Variants in RELB observed in about 807,000 individuals in gnomAD.
RELB encodes the protein RELB proto-oncogene, NF-kB subunit, also known as transcription factor RelB.
RELB carries 14 observed loss-of-function variants against 55.4 expected under a neutral mutation model. The ratio of observed to expected loss-of-function variants is 0.25; its 90% CI spans 0.17 to 0.40. RELB has a LOEUF of 0.40. Among genes scored for constraint, RELB ranks in the 10% least tolerant of loss-of-function variants. The pLI is 1.00. For synonymous variants in RELB, 409 were observed against 371.3 expected, an observed-to-expected ratio of 1.10 and a Z score of -1.17; for missense variants, 669 against 830.7, an observed-to-expected ratio of 0.81 and a Z score of 2.39.
intron 9 of RELB, among the ~76,000 whole-genome samples, chr19:45,033,315 C>T (rs144064166): frequency 6.6e-6 from 1 of 152,104 alleles, no homozygotes; most frequent in Admixed American, 6.6e-5. Context: ...AGGAAGAGTG[C>T]TTTAAACAGC....
intron 8 of RELB, among the ~76,000 whole-genome samples, chr19:45,030,614 A>G (rs909009023): frequency 2.0e-5 from 3 of 152,264 alleles, no homozygotes; most frequent in African/African-American, 7.2e-5. Context: ...CCTGGGCAAC[A>G]CAGTGAGACT....
At chr19:45,003,133 G>T (rs1389829180) in intron 2 of RELB, 137 bp downstream of exon 2, 2 of 795,068 alleles carry the variant, frequency 2.5e-6, no homozygotes, top group Admixed American at 5.0e-5. Context: ...CTCCCTGCCA[G>T]TTGAGATGGG....
At chr19:45,034,002 T>C (rs1971656945) in intron 9 of RELB, among the ~76,000 whole-genome samples, 1 of 150,992 alleles carries the variant, frequency 6.6e-6, no homozygotes, top group Non-Finnish European at 1.5e-5. Flanking sequence ...ACTAAAAAAA[T>C]ACAAAAATTA....
chr19:45,011,040 T>TG (rs1320685453), intron 3 of RELB, among the ~76,000 whole-genome samples: 1 of 152,004 alleles, frequency 6.6e-6, no homozygotes, highest in Non-Finnish European at 1.5e-5. Flanking sequence ...TTAGTGGAGA[T>TG]GGGGTTTCAC....
intron 8 of RELB, among the ~76,000 whole-genome samples, chr19:45,030,507 C>A (rs1971608455): frequency 6.6e-6 from 1 of 152,108 alleles, no homozygotes; most frequent in Non-Finnish European, 1.5e-5. Context: ...TGGAACACAC[C>A]TGTAATTCCA....
At chr19:45,026,370 T>A (rs1971558332) in intron 7 of RELB, among the ~76,000 whole-genome samples, 2 of 151,456 alleles carry the variant, frequency 1.3e-5, no homozygotes, top group East Asian at 3.9e-4. Context: ...GCCACTGCAG[T>A]CCAGCCTGGG....
In RELB at chr19:45,012,097, T is replaced by A. The variant is rs1971367749; in HGVS notation, c.325T>A (p.Cys109Ser). Residue 109 changes from cysteine to serine, a missense_variant, in exon 4 of 12, where the codon TGC (cysteine) becomes AGC (serine). By Grantham distance (112) the Cys-to-Ser change is moderately radical (BLOSUM62 -1). Transcript: ENST00000221452. ...APPATPPPWG[C>S]PLGRLVSPAP... ...CCCAGCCACGCCGCCGCCTTGGGGC[T>A]GCCCCCTGGGCCGACTAGTGTCCCC... 6.4e-7 allele frequency: 1 copy of A among 1,555,648 alleles called. No individual in the cohort carries two copies. Among genetic ancestry groups the A allele is most frequent in the Admixed American group, 2.0e-5 (1 of 50,768 alleles).
chr19:45,016,409 T>G (rs1971421633), intron 4 of RELB, among the ~76,000 whole-genome samples: 1 of 152,194 alleles, frequency 6.6e-6, no homozygotes, highest in Admixed American at 6.6e-5. Context: ...AAGGTGGCAG[T>G]TGTTTGTGAC....
Position 45,037,655 on chromosome 19 carries a change from A to C in RELB, c.1605A>C (p.Thr535=). 6.3e-7 allele frequency: 1 copy of C among 1,593,334 alleles called. No homozygotes were observed. The highest frequency in any genetic ancestry group is 8.5e-7 in the Non-Finnish European group (1 of 1,171,428). The change falls in exon 12 of 12, where the codon ACA becomes ACC. Residue 535 remains threonine, a synonymous_variant. Transcript: ENST00000221452. ...AGACCCCCGGCCCTGAACCACTGAC[A>C]CTGGACTCGTACCAGGCCCCGGGCC... ...VGETPGPEPL[T]LDSYQAPGPG...
At chr19:45,037,096 T>A (rs1193545239) in intron 11 of RELB, among the ~76,000 whole-genome samples, 2 of 152,014 alleles carry the variant, frequency 1.3e-5, no homozygotes, top group African/African-American at 2.4e-5. Context: ...CTGGCAAACA[T>A]GGTGAAACCC....
intron 2 of RELB, among the ~76,000 whole-genome samples, chr19:45,009,278 G>A (rs554404117): frequency 6.6e-6 from 1 of 151,864 alleles, no homozygotes; most frequent in African/African-American, 2.4e-5. Context: ...ACGGGGTTTC[G>A]CCATGTTGGC....
intron 3 of RELB, among the ~76,000 whole-genome samples, chr19:45,011,018 AT>A (rs1362185356): frequency 6.6e-6 from 1 of 151,340 alleles, no homozygotes; most frequent in Non-Finnish European, 1.5e-5. Context: ...ACCATGCCCA[AT>A]TTTTATATTT....
chr19:45,008,621 G>A, intron 2 of RELB: 1 of 441,438 alleles, frequency 2.3e-6, no homozygotes, highest in South Asian at 1.6e-5. Flanking sequence ...CAGATCCCAT[G>A]AGATAAGGGG....
chr19:45,029,093 T>A, intron 8 of RELB, 101 bp downstream of exon 8: 2 of 799,648 alleles, frequency 2.5e-6, no homozygotes, highest in Non-Finnish European at 4.2e-6. Flanking sequence ...AAGAGCTGGT[T>A]AACCAGGGCA....
intron 5 of RELB, among the ~76,000 whole-genome samples, chr19:45,024,844 C>T (rs1222837913): frequency 6.6e-6 from 1 of 151,382 alleles, no homozygotes; most frequent in African/African-American, 2.4e-5. Context: ...GCCACCACGT[C>T]TGGCCAAAAG....
chr19:45,017,864 C>T (rs1375979275), intron 4 of RELB, among the ~76,000 whole-genome samples: 2 of 149,262 alleles, frequency 1.3e-5, no homozygotes, highest in East Asian at 2.1e-4. Flanking sequence ...AGGCTGGTCT[C>T]GAACTCCTGG....
At chr19:45,014,654 A>T (rs1971401142) in intron 4 of RELB, among the ~76,000 whole-genome samples, 1 of 150,280 alleles carries the variant, frequency 6.7e-6, no homozygotes, top group African/African-American at 2.5e-5. Flanking sequence ...AGTAGCTGGG[A>T]TTACAGGCAC....
intron 5 of RELB, among the ~76,000 whole-genome samples, chr19:45,023,806 A>G (rs1184122193): frequency 3.2e-5 from 4 of 124,956 alleles, no homozygotes; most frequent in East Asian, 2.4e-4. Flanking sequence ...GCTGGAGTGC[A>G]ATGGCACGAT....
chr19:45,007,868 G>GA (rs1206212244), intron 2 of RELB, among the ~76,000 whole-genome samples: 2 of 133,158 alleles, frequency 1.5e-5, no homozygotes, highest in African/African-American at 5.7e-5. Context: ...TCAAAAAATA[G>GA]AAAATAGGCT....
Sources: allele counts gnomAD v4.1 joint callset (sites outside exome capture counted in the v4.1 genomes callset), GRCh38; gene constraint gnomAD v4.1.1; transcripts MANE v1.5; gene names NCBI Gene and HGNC (gene_info 2026-07-23, HGNC 2026-07-21).